The following LYPD6B variants were observed in gnomAD, a reference collection of about 807,000 sequenced individuals.
LYPD6B encodes ly6/PLAUR domain-containing protein 6B.
A neutral mutation model predicts 22.8 loss-of-function variants in LYPD6B; 17 were observed. The ratio of observed to expected loss-of-function variants is 0.75; its 90% CI spans 0.51 to 1.12. LYPD6B has a LOEUF of 1.12. LYPD6B is among the 50% of genes most tolerant of loss of function. The probability of loss-of-function intolerance (pLI) is 0.00; values close to 1 mark genes in which losing one functional copy is unlikely to be tolerated. For synonymous variants in LYPD6B, 106 were observed against 91.6 expected (o/e 1.16, Z -0.90); for missense variants, 221 against 258.3 (o/e 0.86, Z 0.99).
intron 1 of LYPD6B, among the ~76,000 whole-genome samples, chr2:149,121,438 G>A (rs1410791781): frequency 2.6e-5 from 4 of 152,152 alleles, no homozygotes; most frequent in African/African-American, 9.7e-5. Flanking sequence ...ACATAGAGCT[G>A]ATTTGACTGA....
intron 1 of LYPD6B, among the ~76,000 whole-genome samples, chr2:149,075,899 G>C (rs1284529024): frequency 6.6e-6 from 1 of 152,212 alleles, no homozygotes; most frequent in Non-Finnish European, 1.5e-5. Flanking sequence ...AGTGTTGGTG[G>C]ATGAGTAAAA....
intron 1 of LYPD6B, among the ~76,000 whole-genome samples, chr2:149,050,231 C>T (rs771924261): frequency 6.6e-6 from 1 of 151,368 alleles, no homozygotes; most frequent in African/African-American, 2.4e-5. Flanking sequence ...GAGCAATCAC[C>T]GATAGTTACT....
intron 1 of LYPD6B, among the ~76,000 whole-genome samples, chr2:149,041,941 G>A (rs1683105118): frequency 6.6e-6 from 1 of 152,308 alleles, no homozygotes. Context: ...CTCAAGGGGT[G>A]GATTGGGGTG....
intron 1 of LYPD6B, among the ~76,000 whole-genome samples, chr2:149,066,656 A>G (rs188762708): frequency 1.3e-5 from 2 of 152,050 alleles, no homozygotes; most frequent in Admixed American, 1.3e-4. Context: ...TTCAAATTTA[A>G]TAAATATTTT....
chr2:149,130,838 TATA>T lies in LYPD6B; in HGVS notation c.-66-41_-66-39del, dbSNP rs1244563703. ...TTAAAATCCCTTTATCCCAAATGTC[TATA>T]ATATCAGTCATAATGATACCTTTTC... On this transcript the variant is annotated intron_variant, in intron 1 of 6. Coordinates refer to ENST00000409642, the MANE Select transcript of LYPD6B (RefSeq NM_177964.5). 1.8e-4 allele frequency: 152 copies of T among 835,546 alleles called. 3 individuals carry two copies. In the East Asian group the frequency reaches 3.2e-3, roughly 18 times the overall value. 51.8% of individuals were successfully genotyped at this position (835,546 alleles called of 1,614,324 possible). A position where few individuals can be genotyped will look rare whatever the true frequency, so the allele number is the denominator to read the frequency against.
chr2:149,059,564 GA>G (rs1683974870), intron 1 of LYPD6B, among the ~76,000 whole-genome samples: 1 of 152,232 alleles, frequency 6.6e-6, no homozygotes, highest in Admixed American at 6.5e-5. Context: ...ATTTTAAAAT[GA>G]AATTTCAAAT....
chr2:149,210,962 C>T (rs543723352), intron 5 of LYPD6B, among the ~76,000 whole-genome samples: 47 of 152,240 alleles, frequency 3.1e-4, no homozygotes, highest in African/African-American at 1.1e-3. Context: ...AATTGGCTTA[C>T]GGTTCCATAG....
intron 1 of LYPD6B, among the ~76,000 whole-genome samples, chr2:149,054,496 C>T (rs1027110546): frequency 1.3e-5 from 2 of 151,856 alleles, no homozygotes; most frequent in African/African-American, 4.8e-5. Context: ...GATAGTAGAC[C>T]CTTATTGGAT....
intron 2 of LYPD6B, among the ~76,000 whole-genome samples, chr2:149,157,475 T>C (rs1661311391): frequency 6.6e-6 from 1 of 152,166 alleles, no homozygotes. Context: ...TGACAGCAGA[T>C]CCTCCCAGCT....
chr2:149,152,568 A>ATG (rs1689449642), intron 2 of LYPD6B, among the ~76,000 whole-genome samples: 1 of 152,212 alleles, frequency 6.6e-6, no homozygotes, highest in Non-Finnish European at 1.5e-5. Flanking sequence ...CTGGGCGTTA[A>ATG]GGACAATGGG....
In LYPD6B at chr2:149,187,503, C is replaced by T. The variant is rs1055055162; in HGVS notation, c.78-17750C>T. The T allele has an allele frequency of 2.0e-6, 3 of 1,506,128 alleles. No individual in the cohort carries two copies. The Admixed American group carries it at 7.3e-5, about 36-fold the overall frequency. 93.3% of individuals were successfully genotyped at this position (1,506,128 alleles called of 1,614,324 possible). The stretch of plus-strand genomic sequence containing the variant: ...GGAAATGCAGAAGAGATATTTTCAG[C>T]TGAATATTGGAAAGTAAGATTCCCT... On this transcript the variant is annotated intron_variant, in intron 3 of 6. Transcript: ENST00000409642.
chr2:149,163,811 C>T (rs1464208735), intron 3 of LYPD6B, among the ~76,000 whole-genome samples: 2 of 152,038 alleles, frequency 1.3e-5, no homozygotes, highest in African/African-American at 4.8e-5. Flanking sequence ...TTTGCTCTAA[C>T]CTGGGGGGTC....
At chr2:149,070,930 C>T (rs16826449) in intron 1 of LYPD6B, among the ~76,000 whole-genome samples, 27,427 of 152,150 alleles carry the variant, frequency 0.18, 2,842 homozygotes, top group East Asian at 0.34. Flanking sequence ...AGAGCATATT[C>T]GCCGTGGGAT....
At chr2:149,126,687 A>T (rs1031116724) in intron 1 of LYPD6B, among the ~76,000 whole-genome samples, 1 of 152,148 alleles carries the variant, frequency 6.6e-6, no homozygotes, top group Non-Finnish European at 1.5e-5. Context: ...AGGGTCAACC[A>T]TGCTTTTGAT....
chr2:149,156,156 A>G (rs1689685977), intron 2 of LYPD6B, among the ~76,000 whole-genome samples: 1 of 152,172 alleles, frequency 6.6e-6, no homozygotes, highest in Admixed American at 6.5e-5. Flanking sequence ...AGCACAGAGC[A>G]TTTGAGAAGG....
intron 1 of LYPD6B, among the ~76,000 whole-genome samples, chr2:149,096,289 G>C (rs1045050793): frequency 6.6e-6 from 1 of 152,208 alleles, no homozygotes; most frequent in Non-Finnish European, 1.5e-5. Flanking sequence ...GAGGGACAGG[G>C]AGAGAGAGAA....
At chr2:149,189,443 C>CA (rs1426024307) in intron 3 of LYPD6B, among the ~76,000 whole-genome samples, 1 of 147,208 alleles carries the variant, frequency 6.8e-6, no homozygotes, top group East Asian at 2.0e-4. Context: ...CTTTTTACGG[C>CA]AATTATGTGT....
At chr2:149,106,333 G>A (rs1351938350) in intron 1 of LYPD6B, among the ~76,000 whole-genome samples, 2 of 151,998 alleles carry the variant, frequency 1.3e-5, no homozygotes, top group Non-Finnish European at 2.9e-5. Context: ...TAATTTTCTG[G>A]AAGTTTATAT....
At chr2:149,052,549 G>T (rs1299264072) in intron 1 of LYPD6B, among the ~76,000 whole-genome samples, 1 of 152,196 alleles carries the variant, frequency 6.6e-6, no homozygotes, top group Non-Finnish European at 1.5e-5. Flanking sequence ...GAAAATTGCT[G>T]AACTTCAGGT....
Sources: gnomAD v4.1 joint callset for allele counts (sites outside exome capture counted in the v4.1 genomes callset) on GRCh38, gnomAD v4.1.1 for gene constraint, MANE v1.5 for transcripts, NCBI Gene and HGNC (gene_info 2026-07-23, HGNC 2026-07-21) for gene names.